MTMR7: variants seen among roughly 807,000 people sequenced by gnomAD.
MTMR7 encodes phosphatidylinositol-3-phosphate phosphatase MTMR7.
In MTMR7, 76 loss-of-function variants were observed where a neutral mutation model predicts 81.2. The ratio of observed to expected loss-of-function variants is 0.94; its 90% CI spans 0.78 to 1.13. The LOEUF is 1.13. Among genes scored for constraint, MTMR7 ranks in the 50% most tolerant of loss-of-function variants. The pLI is 0.00. For missense variants in MTMR7, 1,044 were observed against 820.0 expected (o/e 1.27, Z -3.34); for synonymous variants, 372 against 289.8 (o/e 1.28, Z -2.88).
rs1563346626 is a variant in MTMR7, at chr8:17,341,349, ACGGTGACACTTACTTTAGGC to A, written c.726_732+13del. On this transcript the variant is annotated splice_donor_variant and splice_donor_5th_base_variant and coding_sequence_variant and intron_variant, in exon 6 of 14. Coordinates refer to ENST00000180173, the MANE Select transcript of MTMR7 (RefSeq NM_004686.5). LOFTEE classifies it high-confidence loss of function. ...CTCAGGTGCAAAGACATGCATCGCA[ACGGTGACACTTACTTTAGGC>A]CGGGTGTCAACGACATAAACGAAGT... The A allele has an allele frequency of 1.9e-6, 3 of 1,613,674 alleles. No homozygotes were observed. Among genetic ancestry groups the A allele is most frequent in the Admixed American group, 3.3e-5 (2 of 59,986 alleles).
At chr8:17,410,229 G>C (rs78137307) in intron 1 of MTMR7, among the ~76,000 whole-genome samples, 4,313 of 152,250 alleles carry the variant, frequency 0.028, 181 homozygotes, top group African/African-American at 0.089. Context: ...GTCTGTTTTG[G>C]AGGTTATCAC....
chr8:17,406,740 A>G (rs902550271), intron 1 of MTMR7, among the ~76,000 whole-genome samples: 1 of 152,180 alleles, frequency 6.6e-6, no homozygotes, highest in Non-Finnish European at 1.5e-5. Flanking sequence ...ATCTCCCTCA[A>G]CTGATAAATG....
rs1328801210 is a variant in MTMR7 at position 17,340,686 on chromosome 8, T to C, written c.732+677A>G. Among the ~76,000 whole-genome samples the C allele has an allele frequency of 3.3e-5, 5 of 152,216 alleles. No homozygotes were observed. The East Asian group carries it at 9.6e-4, about 29-fold the overall frequency. On this transcript the variant is annotated intron_variant, in intron 6 of 13. Transcript: ENST00000180173. The stretch of plus-strand genomic sequence containing the variant: ...GATGTCTAGATATATTATTTCCTAT[T>C]CGTTTTCTTAAATTAGAAAACTAAT...
intron 1 of MTMR7, among the ~76,000 whole-genome samples, chr8:17,399,918 T>C (rs1821373318): frequency 6.6e-6 from 1 of 151,868 alleles, no homozygotes; most frequent in Admixed American, 6.6e-5. Flanking sequence ...TGTATCTAAA[T>C]TGTTGTGTAA....
At chr8:17,360,555 G>C (rs748886485) in intron 4 of MTMR7, among the ~76,000 whole-genome samples, 10 of 151,112 alleles carry the variant, frequency 6.6e-5, no homozygotes, top group East Asian at 1.9e-4. Context: ...TAAAATTATA[G>C]TGAAACCACC....
Position 17,311,620 on chromosome 8 carries a change from C to T in MTMR7, c.992G>A (p.Gly331Glu), listed in dbSNP as rs200563522. Residue 331 changes from glycine (G) to glutamate (E), a missense_variant, in exon 9 of 14, where the codon GGG becomes GAG. By Grantham distance (98) the Gly-to-Glu change is moderately conservative (BLOSUM62 -2). Transcript: ENST00000180173. The part of the protein sequence containing the change: ...IFIAKAVSEE[G>E]ASVLVHCSDG... ...AGAACAGTGAACAAGCACACTTGCC[C>T]CTTCCTCTGACACTGCCTAGAAAAC... 1.2e-6 allele frequency: 2 copies of T among 1,614,092 alleles called. No homozygotes were observed. Among genetic ancestry groups the T allele is most frequent in the South Asian group, 1.1e-5 (1 of 91,066 alleles).
intron 7 of MTMR7, among the ~76,000 whole-genome samples, chr8:17,327,716 G>A (rs534700704): frequency 1.3e-5 from 2 of 151,816 alleles, no homozygotes; most frequent in African/African-American, 2.4e-5. Flanking sequence ...TAAATATTTA[G>A]AGCACTAGTT....
intron 3 of MTMR7, among the ~76,000 whole-genome samples, chr8:17,361,614 G>A (rs1044159072): frequency 2.6e-5 from 4 of 152,138 alleles, no homozygotes; most frequent in African/African-American, 9.7e-5. Flanking sequence ...AAGAACATAT[G>A]CATTCATTAG....
At chr8:17,310,361 T>A (rs1411545760) in intron 9 of MTMR7, among the ~76,000 whole-genome samples, 1 of 152,128 alleles carries the variant, frequency 6.6e-6, no homozygotes, top group Non-Finnish European at 1.5e-5. Context: ...CCCCAATGCT[T>A]TAAAGTGGCC....
chr8:17,319,428 C>T (rs1034686215), intron 7 of MTMR7, among the ~76,000 whole-genome samples: 6 of 152,160 alleles, frequency 3.9e-5, no homozygotes, highest in African/African-American at 1.4e-4. Flanking sequence ...AACATGTCAA[C>T]GCTGAAGCTC....
chr8:17,378,394 T>C (rs1390084249), intron 1 of MTMR7, among the ~76,000 whole-genome samples: 2 of 152,176 alleles, frequency 1.3e-5, no homozygotes, highest in African/African-American at 2.4e-5. Context: ...TTGAAAACGA[T>C]CTAAAATGAA....
At chr8:17,330,771 T>A (rs768087325) in intron 7 of MTMR7, among the ~76,000 whole-genome samples, 3 of 152,180 alleles carry the variant, frequency 2.0e-5, no homozygotes, top group Admixed American at 6.5e-5. Flanking sequence ...CAAGGATCAG[T>A]TTTTGAGCCT....
chr8:17,410,517 T>G (rs952037706), intron 1 of MTMR7, among the ~76,000 whole-genome samples: 6 of 151,914 alleles, frequency 3.9e-5, no homozygotes, highest in African/African-American at 1.5e-4. Flanking sequence ...AGAAGTTCAC[T>G]GGGATGAGTA....
intron 5 of MTMR7, among the ~76,000 whole-genome samples, chr8:17,345,170 G>C (rs1310744512): frequency 6.6e-6 from 1 of 152,168 alleles, no homozygotes; most frequent in Non-Finnish European, 1.5e-5. Flanking sequence ...ATTATGTGTT[G>C]CTTCGACATC....
intron 12 of MTMR7, chr8:17,302,500 G>C (rs1817183323): frequency 2.1e-6 from 1 of 468,856 alleles, no homozygotes; most frequent in Admixed American, 3.9e-5. Flanking sequence ...TGAAAAGTCT[G>C]CCTGTATATA....
intron 7 of MTMR7, among the ~76,000 whole-genome samples, chr8:17,317,868 C>T (rs1449446769): frequency 6.6e-6 from 1 of 152,032 alleles, no homozygotes. Context: ...ATTTTTGTTT[C>T]CATGACCTCC....
At position 17,371,420 on chromosome 8, in the gene MTMR7, G is replaced by C. The variant is rs149998184; in HGVS notation, c.148-221C>G. Among the ~76,000 whole-genome samples the C allele has an allele frequency of 1.7e-3, 255 of 152,244 alleles. 1 individual carries two copies. Among genetic ancestry groups the C allele is most frequent in the African/African-American group, 5.6e-3 (232 of 41,528 alleles). Reference sequence around the variant, plus strand: ...TCAATACCAAGCTTCCTGATATCCAGGACAGTTATTTTGAAGTAAACCATT... The same window carrying C: ...TCAATACCAAGCTTCCTGATATCCACGACAGTTATTTTGAAGTAAACCATT... On this transcript the variant is annotated intron_variant, in intron 2 of 13. Coordinates refer to ENST00000180173, the MANE Select transcript of MTMR7 (RefSeq NM_004686.5).
rs1412555556 is a variant in MTMR7, at chr8:17,304,372, T to C, written c.1493+7A>G. 8.1e-6 allele frequency: 13 copies of C among 1,609,550 alleles called. No homozygotes were observed. Among genetic ancestry groups the C allele is most frequent in the Non-Finnish European group, 1.1e-5 (13 of 1,176,480 alleles). On this transcript the variant is annotated splice_region_variant and intron_variant, in intron 12 of 13. Transcript: ENST00000180173. ...CATGGCTACAAAGTTACCAAGGATT[T>C]ACATACTTGTACATGAAGTTACATG...
chr8:17,390,963 G>A (rs930550953), intron 1 of MTMR7, among the ~76,000 whole-genome samples: 2 of 152,210 alleles, frequency 1.3e-5, no homozygotes, highest in African/African-American at 2.4e-5. Context: ...ACCATATCAG[G>A]TGCCCAGGGA....
Sources: allele counts gnomAD v4.1 joint callset (sites outside exome capture counted in the v4.1 genomes callset), GRCh38; gene constraint gnomAD v4.1.1; transcripts MANE v1.5; gene names NCBI Gene and HGNC (gene_info 2026-07-23, HGNC 2026-07-21).